BPTF: variants seen among roughly 807,000 people sequenced by gnomAD.
The protein encoded by BPTF is bromodomain PHD finger transcription factor.
In BPTF, 18 loss-of-function variants were observed where a neutral mutation model predicts 292.5. The ratio of observed to expected loss-of-function variants is 0.06; its 90% confidence interval spans 0.04 to 0.09. The LOEUF (loss-of-function observed/expected upper bound fraction) is 0.09, where lower values mean the gene tolerates loss of function less well. Among genes scored for constraint, BPTF ranks in the 10% least tolerant of loss-of-function variants. The probability of loss-of-function intolerance (pLI) is 1.00; values close to 1 mark genes in which losing one functional copy is unlikely to be tolerated. For synonymous variants in BPTF, 1,225 were observed against 1,251.9 expected (o/e 0.98, Z 0.45); for missense variants, 2,726 against 3,498.7 (o/e 0.78, Z 5.57).
chr17:67,871,647 C>CCT (rs1159819553), intron 3 of BPTF, among the ~76,000 whole-genome samples: 1 of 151,952 alleles, frequency 6.6e-6, no homozygotes, highest in Non-Finnish European at 1.5e-5. Flanking sequence ...GCTTCTAAAA[C>CCT]CTGGTAGGTT....
chr17:67,948,806 G>A (rs2066006403), intron 23 of BPTF, among the ~76,000 whole-genome samples: 1 of 152,122 alleles, frequency 6.6e-6, no homozygotes, highest in Non-Finnish European at 1.5e-5. Flanking sequence ...TGGCCAACAT[G>A]GCGAGACCTC....
At chr17:67,843,754 CTTTTTTTTTT>C (rs56335701) in intron 1 of BPTF, among the ~76,000 whole-genome samples, 19,768 of 61,880 alleles carry the variant, frequency 0.32, 1,980 homozygotes, top group East Asian at 0.65. Context: ...GAGCAGTTGT[CTTTTTTTTTT>C]TTTTTTTTTT....
intron 24 of BPTF, among the ~76,000 whole-genome samples, chr17:67,961,470 C>CT (rs146879804): frequency 0.13 from 20,374 of 152,006 alleles, 2,320 homozygotes; most frequent in East Asian, 0.65. Flanking sequence ...AGAACACAGC[C>CT]TATCACCCTG....
intron 23 of BPTF, among the ~76,000 whole-genome samples, chr17:67,951,931 T>G (rs1473695890): frequency 6.6e-6 from 1 of 151,486 alleles, no homozygotes; most frequent in African/African-American, 2.4e-5. Context: ...GGCGCACAAC[T>G]GTAGTTCCAG....
chr17:67,979,576 G>A (rs7223730), intron 27 of BPTF, among the ~76,000 whole-genome samples: 142,241 of 152,226 alleles, frequency 0.93, 67,223 homozygotes, highest in East Asian at 1. Context: ...ATTGGTTTTC[G>A]ACTTTTAGAA....
chr17:67,904,870 A>C (rs1157818424), intron 9 of BPTF, 30 bp downstream of exon 9: 2 of 1,552,108 alleles, frequency 1.3e-6, no homozygotes, highest in Non-Finnish European at 8.8e-7. Context: ...TGTCCTGCAT[A>C]ATCGTTTCTG....
In BPTF at chr17:67,911,381, T is replaced by C. The variant is rs1318913988; in HGVS notation, c.3497T>C (p.Val1166Ala). The change falls in exon 11 of 28, where the codon GTG becomes GCG. Residue 1166 changes from valine (V) to alanine (A), a missense_variant. Val to Ala is a moderately conservative substitution (Grantham distance 64). Transcript: ENST00000306378. Reference protein sequence around the residue: ...TTNKLYPKDRVLDDVSIRSPE... With the variant: ...TTNKLYPKDRALDDVSIRSPE... ...AACAAACTTTATCCAAAAGATCGAGTGTTAGATGATGTCTCCATTCGGAGC... is the reference window on the plus strand; with the variant it reads ...AACAAACTTTATCCAAAAGATCGAGCGTTAGATGATGTCTCCATTCGGAGC... The C allele has an allele frequency of 2.5e-6, 4 of 1,614,042 alleles. 1 individual carries two copies. The South Asian group carries it at 3.3e-5, about 13-fold the overall frequency.
intron 3 of BPTF, among the ~76,000 whole-genome samples, chr17:67,872,077 C>T (rs559075379): frequency 2.4e-4 from 36 of 152,308 alleles, no homozygotes; most frequent in Middle Eastern, 6.8e-3. Context: ...TCACCTGCCT[C>T]GGCCTCCTGA....
intron 11 of BPTF, among the ~76,000 whole-genome samples, chr17:67,918,223 A>C (rs147485857): frequency 1.9e-3 from 289 of 152,350 alleles, no homozygotes; most frequent in African/African-American, 6.7e-3. Context: ...GGCGTGAGCC[A>C]CCGCATCTGA....
intron 10 of BPTF, among the ~76,000 whole-genome samples, chr17:67,910,156 A>G (rs2062554991): frequency 6.6e-6 from 1 of 152,198 alleles, no homozygotes; most frequent in African/African-American, 2.4e-5. Context: ...TCATCCACTT[A>G]GCATGGTTTT....
chr17:67,960,809 A>C (rs1204237425), intron 24 of BPTF, among the ~76,000 whole-genome samples: 1 of 152,220 alleles, frequency 6.6e-6, no homozygotes, highest in Non-Finnish European at 1.5e-5. Context: ...AATGATGTTC[A>C]AGTTGCAACA....
intron 7 of BPTF, among the ~76,000 whole-genome samples, chr17:67,897,341 C>CA (rs750678904): frequency 0.043 from 754 of 17,722 alleles, 104 homozygotes; most frequent in Non-Finnish European, 0.1. Context: ...AACTCTGTCT[C>CA]AAAAAAAAAA....
rs564069557 is a variant in BPTF, at chr17:67,947,691, A to G, written c.7618-35A>G. 7 of 1,515,340 alleles carry G rather than the reference A, an allele frequency of 4.6e-6. No homozygotes were observed. The African/African-American group carries it at 9.7e-5, about 21-fold the overall frequency. 93.9% of individuals were successfully genotyped at this position (1,515,340 alleles called of 1,614,324 possible). ...CTGTGTACTAACCTGTGGTGATTATAAAATATGCGCTTTTGGATTTATTCT... is the reference window on the plus strand; with the variant it reads ...CTGTGTACTAACCTGTGGTGATTATGAAATATGCGCTTTTGGATTTATTCT... On this transcript the variant is annotated intron_variant, in intron 21 of 27. Transcript: ENST00000306378.
chr17:67,952,696 A>G (rs782154326), intron 23 of BPTF, among the ~76,000 whole-genome samples: 2 of 151,914 alleles, frequency 1.3e-5, no homozygotes, highest in Non-Finnish European at 2.9e-5. Flanking sequence ...GCCAATAGTG[A>G]TTATTATTAT....
chr17:67,870,743 C>G (rs1283875085), intron 3 of BPTF, among the ~76,000 whole-genome samples: 1 of 144,468 alleles, frequency 6.9e-6, no homozygotes, highest in Non-Finnish European at 1.6e-5. Context: ...TGATGTTAAC[C>G]TCTCAAAGAA....
intron 2 of BPTF, among the ~76,000 whole-genome samples, chr17:67,858,258 C>A (rs1370462090): frequency 6.6e-6 from 1 of 152,186 alleles, no homozygotes; most frequent in East Asian, 1.9e-4. Flanking sequence ...ATATGTGTAA[C>A]TTTTTTCTTT....
intron 27 of BPTF, among the ~76,000 whole-genome samples, chr17:67,978,333 CTG>C (rs1369447423): frequency 1.4e-5 from 2 of 144,280 alleles, no homozygotes; most frequent in African/African-American, 5.1e-5. Flanking sequence ...GAGTCTCACT[CTG>C]TTGCCCAGGC....
chr17:67,871,901 C>CT (rs2059763824), intron 3 of BPTF, among the ~76,000 whole-genome samples: 1 of 152,152 alleles, frequency 6.6e-6, no homozygotes, highest in Non-Finnish European at 1.5e-5. Flanking sequence ...TCTCGGCTCA[C>CT]TGCAACCTCT....
At chr17:67,944,565 C>T in intron 20 of BPTF, 193 bp downstream of exon 20, 1 of 603,552 alleles carries the variant, frequency 1.7e-6, no homozygotes, top group Non-Finnish European at 2.9e-6. Context: ...CCTGTTACCA[C>T]CACCCTCTCC....
Sources: gnomAD v4.1 joint callset for allele counts (sites outside exome capture counted in the v4.1 genomes callset) on GRCh38, gnomAD v4.1.1 for gene constraint, MANE v1.5 for transcripts, NCBI Gene and HGNC (gene_info 2026-07-23, HGNC 2026-07-21) for gene names.